The following TMBIM6 variants were observed in gnomAD, a reference collection of about 807,000 sequenced individuals.
TMBIM6 encodes the protein transmembrane BAX inhibitor motif containing 6, also known as bax inhibitor 1.
In TMBIM6, 13 loss-of-function variants were observed where a neutral mutation model predicts 31.4. The ratio of observed to expected loss-of-function variants is 0.41; its 90% CI spans 0.27 to 0.66. The LOEUF is 0.66. TMBIM6 is among the 30% of genes least tolerant of loss of function. TMBIM6 has a pLI of 0.28. For synonymous variants in TMBIM6, 85 were observed against 101.7 expected, an observed-to-expected ratio of 0.84 and a Z score of 0.99; for missense variants, 275 against 289.5, an observed-to-expected ratio of 0.95 and a Z score of 0.36.
chr12:49,752,634 G>C, intron 2 of TMBIM6, 85 bp downstream of exon 2: 1 of 1,172,982 alleles, frequency 8.5e-7, no homozygotes, highest in South Asian at 1.3e-5. Context: ...ACTTTTGTGT[G>C]TATAAGCTAA....
chr12:49,760,136 G>A (rs77608373), intron 8 of TMBIM6, among the ~76,000 whole-genome samples: 1 of 149,708 alleles, frequency 6.7e-6, no homozygotes, highest in Admixed American at 6.7e-5. Flanking sequence ...AAAAAGTGTT[G>A]GGGGGTGGCT....
chr12:49,758,875 C>A, intron 7 of TMBIM6, 113 bp downstream of exon 7: 1 of 912,920 alleles, frequency 1.1e-6, no homozygotes, highest in Non-Finnish European at 1.7e-6. Flanking sequence ...CTCTCTAAGC[C>A]TTCCCATTAT....
At chr12:49,747,842 C>A (rs1945424150) in intron 1 of TMBIM6, among the ~76,000 whole-genome samples, 1 of 152,058 alleles carries the variant, frequency 6.6e-6, no homozygotes, top group South Asian at 2.1e-4. Flanking sequence ...CAGCATGTTT[C>A]ATGTTCACTG....
At chr12:49,749,721 A>G (rs1243393382) in intron 1 of TMBIM6, 2 of 152,252 alleles carry the variant, frequency 1.3e-5, no homozygotes, top group Non-Finnish European at 2.9e-5. Context: ...GGCGTGAGCC[A>G]CTGTGCCCAA....
At chr12:49,751,005 A>AT (rs1945484061) in intron 1 of TMBIM6, among the ~76,000 whole-genome samples, 1 of 152,182 alleles carries the variant, frequency 6.6e-6, no homozygotes, top group African/African-American at 2.4e-5. Flanking sequence ...TAGATTTAAA[A>AT]TGGATGGGCA....
At chr12:49,748,977 C>G (rs542959617) in intron 1 of TMBIM6, among the ~76,000 whole-genome samples, 76 of 152,198 alleles carry the variant, frequency 5.0e-4, no homozygotes, top group Non-Finnish European at 9.3e-4. Context: ...TATAATACTT[C>G]AAGCTCTTAA....
rs79221196 is a variant in TMBIM6 at position 49,757,858 on chromosome 12, A to T, written c.287-369A>T. Among the ~76,000 whole-genome samples the T allele has an allele frequency of 7.5e-3, 1,143 of 152,282 alleles. 13 individuals carry two copies. The highest frequency in any genetic ancestry group is 0.025 in the African/African-American group (1,052 of 41,562). On this transcript the variant is annotated intron_variant, in intron 4 of 9. Coordinates refer to ENST00000267115, the MANE Select transcript of TMBIM6 (RefSeq NM_003217.3). ...ACTATAAGGTTGCTGGCCACGAGGC[A>T]CTGTTTTGCTCTTTATCCTTTTTTT...
At chr12:49,758,091 A>C in intron 4 of TMBIM6, 136 bp from the exon 5 acceptor site, 1 of 881,834 alleles carries the variant, frequency 1.1e-6, no homozygotes, top group Non-Finnish European at 1.8e-6. Context: ...ATTACAGCGG[A>C]GGGGAGAGAG....
intron 4 of TMBIM6, among the ~76,000 whole-genome samples, chr12:49,757,121 C>T (rs1307289211): frequency 6.6e-6 from 1 of 152,200 alleles, no homozygotes; most frequent in Non-Finnish European, 1.5e-5. Flanking sequence ...CCTGCCTCAG[C>T]CTCCCAAAGT....
chr12:49,752,441 T>C, intron 1 of TMBIM6, 23 bp from the exon 2 acceptor site: 3 of 1,575,012 alleles, frequency 1.9e-6, no homozygotes, highest in Non-Finnish European at 1.7e-6. Flanking sequence ...ACTTAATGAC[T>C]CTAACCTTTC....
intron 1 of TMBIM6, chr12:49,743,427 C>T (rs930200959): frequency 1.3e-5 from 2 of 151,760 alleles, no homozygotes; most frequent in African/African-American, 4.8e-5. Flanking sequence ...TAGAGACGGG[C>T]TTTTGCCAAG....
At chr12:49,752,742 T>C (rs900576778) in intron 2 of TMBIM6, among the ~76,000 whole-genome samples, 193 bp downstream of exon 2, 2 of 152,234 alleles carry the variant, frequency 1.3e-5, no homozygotes, top group South Asian at 4.1e-4. Flanking sequence ...CTAGTTTGGG[T>C]ACTGATTATT....
chr12:49,746,520 A>G (rs1300958187), intron 1 of TMBIM6, among the ~76,000 whole-genome samples: 1 of 152,220 alleles, frequency 6.6e-6, no homozygotes, highest in African/African-American at 2.4e-5. Context: ...TATTTGTATT[A>G]TCTCACCTAA....
chr12:49,759,823 A>T (rs1248071315), intron 8 of TMBIM6, among the ~76,000 whole-genome samples: 1 of 141,102 alleles, frequency 7.1e-6, no homozygotes, highest in Non-Finnish European at 1.5e-5. Flanking sequence ...AAAAAAAAAA[A>T]GTGTGGGGGC....
chr12:49,753,140 C>T, intron 3 of TMBIM6, 59 bp downstream of exon 3: 2 of 1,446,740 alleles, frequency 1.4e-6, no homozygotes, highest in Non-Finnish European at 1.9e-6. Flanking sequence ...AAAAAACCAG[C>T]TCAGCAAGGT....
intron 1 of TMBIM6, among the ~76,000 whole-genome samples, chr12:49,750,281 C>G (rs777657798): frequency 6.6e-6 from 1 of 152,188 alleles, no homozygotes; most frequent in Non-Finnish European, 1.5e-5. Context: ...TTAGAATCCC[C>G]TGGGCGTTTG....
chr12:49,762,016 G>A (rs982303529), intron 9 of TMBIM6: 2 of 483,406 alleles, frequency 4.1e-6, no homozygotes, highest in African/African-American at 2.0e-5. Flanking sequence ...AAAAGCTTCA[G>A]TGGCAGTAAA....
rs1945789883 is a variant in TMBIM6 at position 49,764,869 on chromosome 12, A to T, written c.*1973A>T. 6.6e-6 allele frequency: 1 copy of T among 152,130 alleles called. No individual in the cohort carries two copies. The highest frequency in any genetic ancestry group is 1.5e-5 in the Non-Finnish European group (1 of 68,022). The allele number at this position is 152,130 out of a possible 1,614,324, so 9.4% of individuals were successfully genotyped here. ...TACTGTGAAGACAAAGGTGTTTTTG[A>T]TTCAGAAATATATGAAATCTGCATA... On this transcript the variant is annotated 3_prime_UTR_variant, in exon 10 of 10. Transcript: ENST00000267115.
intron 4 of TMBIM6, 132 bp downstream of exon 4, chr12:49,755,887 G>A: frequency 9.5e-7 from 1 of 1,054,650 alleles, no homozygotes; most frequent in South Asian, 1.6e-5. Context: ...AGGCCAGAGT[G>A]CAGTGGCTTG....
Sources: allele counts gnomAD v4.1 joint callset (sites outside exome capture counted in the v4.1 genomes callset), GRCh38; gene constraint gnomAD v4.1.1; transcripts MANE v1.5; gene names NCBI Gene and HGNC (gene_info 2026-07-23, HGNC 2026-07-21).